The following KLHL35 variants were observed in gnomAD, a reference collection of about 807,000 sequenced individuals.
KLHL35 encodes the protein kelch like family member 35, also known as kelch-like protein 35.
In KLHL35, 50 loss-of-function variants were observed where a neutral mutation model predicts 44.0. The observed-to-expected ratio is 1.14, with a 90% CI of 0.91 to 1.44. The LOEUF is 1.44. Ranked by LOEUF, KLHL35 falls within the 40% of genes most tolerant of loss-of-function variation. The pLI, the probability that KLHL35 is intolerant of heterozygous loss-of-function variation, is 0.00. For missense variants in KLHL35, 1,049 were observed against 887.8 expected (o/e 1.18, Z -2.31); for synonymous variants, 470 against 410.4 (o/e 1.15, Z -1.76).
Position 75,430,343 on chromosome 11 carries a change from G to A in KLHL35, c.287C>T (p.Pro96Leu). 3.8e-6 allele frequency: 5 copies of A among 1,300,070 alleles called. No homozygotes were observed. The highest frequency in any genetic ancestry group is 4.9e-6 in the Non-Finnish European group (5 of 1,023,220). The allele number at this position is 1,300,070 out of a possible 1,614,324, so 80.5% of individuals were successfully genotyped here. ...GGCCAGCGCCGCCGCCGCCCCGGCCGGGCTCGTGCCTGGCGCCTCGGGAGC... is the reference window on the plus strand; with the variant it reads ...GGCCAGCGCCGCCGCCGCCCCGGCCAGGCTCGTGCCTGGCGCCTCGGGAGC... Reference protein sequence around the residue: ...PVAPEAPGTSPAGAAAALAVV... With the variant: ...PVAPEAPGTSLAGAAAALAVV... The change falls in exon 2 of 7, where the codon CCG becomes CTG. Residue 96 changes from proline (P) to leucine (L), a missense_variant. By Grantham distance (98) the Pro-to-Leu change is moderately conservative. Coordinates refer to ENST00000539798, the MANE Select transcript of KLHL35 (RefSeq NM_001039548.3).
At position 75,433,122 on chromosome 11, in the gene KLHL35, C is replaced by A. The variant is rs923554068; in HGVS notation, c.-81G>T. 8.5e-5 allele frequency among the ~76,000 whole-genome samples: 13 copies of A among 152,194 alleles called. No homozygotes were observed. Among genetic ancestry groups the A allele is most frequent in the Non-Finnish European group, 1.9e-4 (13 of 68,038 alleles). On this transcript the variant is annotated 5_prime_UTR_variant, in exon 1 of 7. Coordinates refer to ENST00000539798, the MANE Select transcript of KLHL35 (RefSeq NM_001039548.3). ...CCCGTTTGTGCCTGCCGCCCGCACC[C>A]CTGGCAGCCCAAGCTCCAGTGTTCA...
In KLHL35 at chr11:75,425,463, G is replaced by A. The variant is rs769268913; in HGVS notation, c.1304C>T (p.Ala435Val). 4.5e-6 allele frequency: 7 copies of A among 1,571,552 alleles called. No individual in the cohort carries two copies. The highest frequency in any genetic ancestry group is 2.3e-5 in the South Asian group (2 of 86,814). ...GAGCTTGCCCGCGCAGGACGCCACC[G>A]CCGCCGAGCTCACGGCCTCCGGGAG... is the stretch of plus-strand genomic sequence containing the variant. ...APLPEAVSSAAVASCAGKLFV... is the reference protein window; with the variant it reads ...APLPEAVSSAVVASCAGKLFV... The change falls in exon 5 of 7, where the codon GCG becomes GTG. Residue 435 changes from alanine (A) to valine (V), a missense_variant. Transcript: ENST00000539798.
At position 75,425,528 on chromosome 11, in the gene KLHL35, G is replaced by T. The variant is rs1324151417; in HGVS notation, c.1239C>A (p.Arg413=). ...CCCAGGTGTTGGAGAAGGGGTCGTAGCGCTCCACGCTGTGCAGGCGCCTCA... is the reference window on the plus strand; with the variant it reads ...CCCAGGTGTTGGAGAAGGGGTCGTATCGCTCCACGCTGTGCAGGCGCCTCA... ...DGLRRLHSVE[R]YDPFSNTWAA... Residue 413 remains arginine, a synonymous_variant, in exon 5 of 7, where the codon CGC becomes CGA. Coordinates refer to ENST00000539798, the MANE Select transcript of KLHL35 (RefSeq NM_001039548.3). 1 of 1,544,678 alleles carries T rather than the reference G, an allele frequency of 6.5e-7. No homozygotes were observed.
chr11:75,425,349 A>T, intron 5 of KLHL35, 44 bp downstream of exon 5: 1 of 1,490,496 alleles, frequency 6.7e-7, no homozygotes, highest in Non-Finnish European at 8.9e-7. Context: ...CACAGTGGGC[A>T]CCCCAGCCTT....
chr11:75,427,436 C>A (rs1221891776), intron 3 of KLHL35, among the ~76,000 whole-genome samples: 2 of 152,208 alleles, frequency 1.3e-5, no homozygotes, highest in African/African-American at 4.8e-5. Context: ...GAGCCTGTGA[C>A]CAGAGCCACA....
At position 75,427,629 on chromosome 11, in the gene KLHL35, T is replaced by C. The variant is rs954709694; in HGVS notation, c.1066+813A>G. ...CTCTTTGCAGGCACCCATAGTTCTT[T>C]ACAACATTAAGGTCAATCCACCTAG... On this transcript the variant is annotated intron_variant, in intron 3 of 6. Transcript: ENST00000539798. Among the ~76,000 whole-genome samples the C allele has an allele frequency of 3.3e-5, 5 of 152,168 alleles. No individual in the cohort carries two copies. In the South Asian group the frequency reaches 6.2e-4, roughly 19 times the overall value.
chr11:75,423,592 A>G (rs1252376152), intron 6 of KLHL35, 100 bp downstream of exon 6: 1 of 954,052 alleles, frequency 1.0e-6, no homozygotes, highest in Non-Finnish European at 1.6e-6. Flanking sequence ...AGAGTGATGT[A>G]TAATAAAACC....
chr11:75,426,699 G>A, intron 3 of KLHL35, 61 bp from the exon 4 acceptor site: 1 of 1,216,304 alleles, frequency 8.2e-7, no homozygotes, highest in South Asian at 1.3e-5. Context: ...CACCCCCAAA[G>A]AGCTAGAAAC....
At chr11:75,424,696 T>C (rs577465210) in intron 5 of KLHL35, 1 of 152,252 alleles carries the variant, frequency 6.6e-6, no homozygotes, top group South Asian at 2.1e-4. Flanking sequence ...GCACCCTAAT[T>C]TGGGAAAGAG....
At position 75,430,406 on chromosome 11, in the gene KLHL35, G is replaced by A; in HGVS notation, c.224C>T (p.Pro75Leu). Reference sequence around the variant, plus strand: ...TGGCACCACGGCCGGGCCGCGCTCGGGCCGCCCGGCCGCGAACAAGCTGCG... The same window carrying A: ...TGGCACCACGGCCGGGCCGCGCTCGAGCCGCCCGGCCGCGAACAAGCTGCG... ...YFRSLFAAGR[P>L]ERGPAVVPVV... is the part of the protein sequence containing the mutation. Residue 75 changes from proline (P) to leucine (L), a missense_variant, in exon 2 of 7, where the codon CCC becomes CTC. Transcript: ENST00000539798. The A allele has an allele frequency of 7.4e-7, 1 of 1,359,828 alleles. No homozygotes were observed. Among genetic ancestry groups the A allele is most frequent in the Non-Finnish European group, 9.5e-7 (1 of 1,048,482 alleles). 84.2% of individuals were successfully genotyped at this position (1,359,828 alleles called of 1,614,324 possible).
At position 75,429,885 on chromosome 11, in the gene KLHL35, GC is replaced by G; in HGVS notation, c.744del (p.Ala250LeufsTer49). On this transcript the variant is annotated frameshift_variant, in exon 2 of 7. Coordinates refer to ENST00000539798, the MANE Select transcript of KLHL35 (RefSeq NM_001039548.3). LOFTEE classifies it high-confidence loss of function. ...TCCACCTTCTCCAGGAAGTAAGCGG[GC>G]GCCAGTAGCGGCAGGCGCACGTGCT... The part of the protein sequence containing the change: ...LLEHVRLPLL[A>X]PAYFLEKVEA... 6.6e-7 allele frequency: 1 copy of G among 1,519,160 alleles called. No individual in the cohort carries two copies. The highest frequency in any genetic ancestry group is 1.2e-5 in the South Asian group (1 of 81,924). 94.1% of individuals were successfully genotyped at this position (1,519,160 alleles called of 1,614,324 possible). A position where few individuals can be genotyped will look rare whatever the true frequency, so the allele number is the denominator to read the frequency against.
chr11:75,423,213 A>G (rs1323863735), intron 6 of KLHL35: 2 of 206,422 alleles, frequency 9.7e-6, no homozygotes, highest in East Asian at 1.2e-4. Context: ...CTCCAGTCCA[A>G]CCATATCTGT....
chr11:75,425,308 G>A (rs999122635), intron 5 of KLHL35, 85 bp downstream of exon 5: 41 of 1,361,764 alleles, frequency 3.0e-5, no homozygotes, highest in Non-Finnish European at 3.8e-5. Flanking sequence ...AATGGACAAG[G>A]GCATGGAAAC....
rs1948456123 is a variant in KLHL35, at chr11:75,422,480, A to G, written c.*100T>C. 1 of 1,063,732 alleles carries G rather than the reference A, an allele frequency of 9.4e-7. No individual in the cohort carries two copies. Among genetic ancestry groups the G allele is most frequent in the East Asian group, 2.5e-5 (1 of 40,360 alleles). 65.9% of individuals were successfully genotyped at this position (1,063,732 alleles called of 1,614,324 possible). On this transcript the variant is annotated 3_prime_UTR_variant, in exon 7 of 7. Transcript: ENST00000539798. Reference sequence around the variant, plus strand: ...ATTTATACAAGAAAAGGGACCATTAAGTTAAGGGCTGTTTGCGTGGAGGTG... The same window carrying G: ...ATTTATACAAGAAAAGGGACCATTAGGTTAAGGGCTGTTTGCGTGGAGGTG...
At chr11:75,426,785 C>G in intron 3 of KLHL35, 147 bp from the exon 4 acceptor site, 1 of 553,218 alleles carries the variant, frequency 1.8e-6, no homozygotes, top group Non-Finnish European at 3.3e-6. Context: ...AGACTCTGGA[C>G]CTGTGACCCA....
chr11:75,430,299 A>C lies in KLHL35; in HGVS notation c.331T>G (p.Tyr111Asp), dbSNP rs891746629. 7 of 1,232,534 alleles carry C rather than the reference A, an allele frequency of 5.7e-6. No individual in the cohort carries two copies. The highest frequency in any genetic ancestry group is 1.6e-5 in the African/African-American group (1 of 62,096). The allele number at this position is 1,232,534 out of a possible 1,614,324, so 76.3% of individuals were successfully genotyped here. The change falls in exon 2 of 7, where the codon TAC becomes GAC. Residue 111 changes from tyrosine to aspartate, a missense_variant. Transcript: ENST00000539798. ...GCGCGCAGCCGCACGCCCGCTCCGT[A>C]CACGTAGTCGAGCACCACGGCCAGC... is the stretch of plus-strand genomic sequence containing the variant. ...AALAVVLDYVYGAGVRLRAED... is the reference protein window; with the variant it reads ...AALAVVLDYVDGAGVRLRAED...
Position 75,422,620 on chromosome 11 carries a change from G to A in KLHL35, c.1712C>T (p.Ser571Phe), listed in dbSNP as rs573979368. 15 of 1,613,856 alleles carry A rather than the reference G, an allele frequency of 9.3e-6. No individual in the cohort carries two copies. The South Asian group carries it at 1.3e-4, about 14-fold the overall frequency. The change falls in exon 7 of 7, where the codon TCC (serine) becomes TTC (phenylalanine). Residue 571 changes from serine (S) to phenylalanine (F), a missense_variant. Physicochemically the swap from Ser to Phe is radical, Grantham distance 155 (BLOSUM62 -2). Coordinates refer to ENST00000539798, the MANE Select transcript of KLHL35 (RefSeq NM_001039548.3). ...VQPSLQRCTS[S>F]HGCVTIIQSL... is the part of the protein sequence containing the mutation. ...CTGGATGATGGTGACACAGCCGTGG[G>A]AGCTGGTGCAGCGCTGCAGGGATGG...
rs1259353172 is a variant in KLHL35 at position 75,430,282 on chromosome 11, C to A, written c.348G>T (p.Arg116=). ...CCGCCGCCTCGTCCTCCGCGCGCAG[C>A]CGCACGCCCGCTCCGTACACGTAGT... ...VLDYVYGAGV[R]LRAEDEAAAV... Residue 116 remains arginine, a synonymous_variant, in exon 2 of 7, where the codon CGG becomes CGT. Coordinates refer to ENST00000539798, the MANE Select transcript of KLHL35 (RefSeq NM_001039548.3). The A allele has an allele frequency of 1.7e-6, 2 of 1,209,328 alleles. No homozygotes were observed. Among genetic ancestry groups the A allele is most frequent in the South Asian group, 3.0e-5 (1 of 33,468 alleles). 74.9% of individuals were successfully genotyped at this position (1,209,328 alleles called of 1,614,324 possible). A position where few individuals can be genotyped will look rare whatever the true frequency, so the allele number is the denominator to read the frequency against.
Position 75,422,564 on chromosome 11 carries a change from GC to G in KLHL35, c.*15del. ...CCTGCCTCTCCGCCTCCTGGCTCAG[GC>G]TGTCCAAATCTGAATCACCTGCCCA... On this transcript the variant is annotated 3_prime_UTR_variant, in exon 7 of 7. Transcript: ENST00000539798. The G allele has an allele frequency of 6.2e-7, 1 of 1,604,714 alleles. No homozygotes were observed. The highest frequency in any genetic ancestry group is 8.5e-7 in the Non-Finnish European group (1 of 1,172,902).
Sources: allele counts gnomAD v4.1 joint callset (sites outside exome capture counted in the v4.1 genomes callset), GRCh38; gene constraint gnomAD v4.1.1; transcripts MANE v1.5; gene names NCBI Gene and HGNC (gene_info 2026-07-23, HGNC 2026-07-21).